Variants in PTPRD observed in about 807,000 individuals in gnomAD.
PTPRD encodes receptor-type tyrosine-protein phosphatase delta.
Under a neutral mutation model 214.5 loss-of-function variants are expected in PTPRD, and 34 were observed. That is an observed-to-expected ratio of 0.16 (90% CI 0.12 to 0.21). The LOEUF is 0.21. PTPRD is among the 10% of genes least tolerant of loss of function. PTPRD has a pLI of 1.00. For synonymous variants in PTPRD, 1,128 were observed against 845.7 expected (o/e 1.33, Z -5.79); for missense variants, 2,545 against 2,398.7 (o/e 1.06, Z -1.27).
At chr9:10,366,229 A>G (rs934603808) in intron 2 of PTPRD, among the ~76,000 whole-genome samples, 1 of 152,152 alleles carries the variant, frequency 6.6e-6, no homozygotes, top group Non-Finnish European at 1.5e-5. Flanking sequence ...TTCCTGCTTT[A>G]TGCCATGATC....
chr9:10,594,027 T>C lies in PTPRD; in HGVS notation c.-600+18371A>G, dbSNP rs140251553. 4.3e-3 allele frequency among the ~76,000 whole-genome samples: 650 copies of C among 152,066 alleles called. 7 individuals are homozygous for C. Among genetic ancestry groups the C allele is most frequent in the African/African-American group, 0.015 (611 of 41,536 alleles). On this transcript the variant is annotated intron_variant, in intron 2 of 45. Transcript: ENST00000381196. ...ACGGGAAGTATTGAAATTTTTCCCT[T>C]TCTCGCTATAAGAATAACTAAACTT...
chr9:10,410,687 G>A (rs1328473794), intron 2 of PTPRD, among the ~76,000 whole-genome samples: 5 of 151,702 alleles, frequency 3.3e-5, no homozygotes, highest in African/African-American at 1.2e-4. Context: ...TAATAACATT[G>A]ATTCAGACAA....
chr9:9,873,144 T>C (rs1280389817), intron 5 of PTPRD, among the ~76,000 whole-genome samples: 1 of 152,114 alleles, frequency 6.6e-6, no homozygotes, highest in African/African-American at 2.4e-5. Context: ...TGAAGGAAGA[T>C]CCGACGAAGA....
At chr9:8,463,782 C>T (rs1044053371) in intron 32 of PTPRD, among the ~76,000 whole-genome samples, 4 of 151,758 alleles carry the variant, frequency 2.6e-5, no homozygotes, top group Non-Finnish European at 4.4e-5. Flanking sequence ...TTGAGAGGGA[C>T]GGAGAAGTAT....
At chr9:10,000,283 A>T (rs983782681) in intron 4 of PTPRD, among the ~76,000 whole-genome samples, 1 of 152,230 alleles carries the variant, frequency 6.6e-6, no homozygotes, top group South Asian at 2.1e-4. Context: ...TGTTAGTTAT[A>T]GTCTATAGGA....
At chr9:9,511,088 T>G (rs2096695436) in intron 8 of PTPRD, among the ~76,000 whole-genome samples, 1 of 151,822 alleles carries the variant, frequency 6.6e-6, no homozygotes, top group African/African-American at 2.4e-5. Flanking sequence ...GCAAATGCTT[T>G]TCAAAAGAAA....
chr9:10,197,571 C>G (rs368398021), intron 3 of PTPRD, among the ~76,000 whole-genome samples: 1 of 152,230 alleles, frequency 6.6e-6, no homozygotes, highest in South Asian at 2.1e-4. Context: ...TACGTTTTGA[C>G]TGTCTTTACA....
intron 2 of PTPRD, among the ~76,000 whole-genome samples, chr9:10,580,346 G>C (rs1239789604): frequency 6.6e-6 from 1 of 152,134 alleles, no homozygotes; most frequent in African/African-American, 2.4e-5. Flanking sequence ...AATGTGATTT[G>C]ATTTCAATCA....
At chr9:10,329,533 G>T (rs2096710740) in intron 3 of PTPRD, among the ~76,000 whole-genome samples, 1 of 151,678 alleles carries the variant, frequency 6.6e-6, no homozygotes, top group African/African-American at 2.4e-5. Context: ...GTAATCAAAT[G>T]GTCTGTCTGT....
At position 10,256,395 on chromosome 9, in the gene PTPRD, C is replaced by CTTTTT. The variant is rs35833315; in HGVS notation, c.-545+84563_-545+84567dup. ...CCTGAGGGACCTGCTTGAATTACAGCTTTTTTTTTTTTTAATAAGTAGGAG... is the reference window on the plus strand; with the variant it reads ...CCTGAGGGACCTGCTTGAATTACAGCTTTTTTTTTTTTTTTTTTAATAAGTAGGAG... On this transcript the variant is annotated intron_variant, in intron 3 of 45. Transcript: ENST00000381196. Among the ~76,000 whole-genome samples, 551 of 144,660 alleles carry CTTTTT rather than the reference C, an allele frequency of 3.8e-3. 5 individuals carry two copies. Among genetic ancestry groups the CTTTTT allele is most frequent in the African/African-American group, 0.013 (528 of 39,582 alleles). The allele number at this position is 144,660 out of a possible 152,430, so 94.9% of individuals were successfully genotyped here.
At chr9:9,579,410 T>C (rs568830095) in intron 7 of PTPRD, among the ~76,000 whole-genome samples, 1 of 152,192 alleles carries the variant, frequency 6.6e-6, no homozygotes, top group Non-Finnish European at 1.5e-5. Context: ...GTAAGTAATA[T>C]AGTTGAGTTT....
In PTPRD at chr9:10,599,155, A is replaced by T. The variant is rs115271550; in HGVS notation, c.-600+13243T>A. Among the ~76,000 whole-genome samples, 267 of 151,814 alleles carry T rather than the reference A, an allele frequency of 1.8e-3. 1 individual carries two copies. The highest frequency in any genetic ancestry group is 6.3e-3 in the African/African-American group (261 of 41,492). On this transcript the variant is annotated intron_variant, in intron 2 of 45. Transcript: ENST00000381196. ...CCATGATCCAAATCTGACCCTGTAG[A>T]TGAGGACCATTCCCTAGGTGATGAT...
intron 10 of PTPRD, among the ~76,000 whole-genome samples, chr9:9,081,822 GC>G (rs1383143345): frequency 1.7e-4 from 25 of 147,478 alleles, no homozygotes; most frequent in South Asian, 6.4e-4. Context: ...TGCAACTCCT[GC>G]TTTTTTTTTT....
intron 4 of PTPRD, among the ~76,000 whole-genome samples, chr9:10,020,330 TCTTGCTCTGTCACCAGGCTGGAGTG>T (rs1253510665): frequency 6.6e-6 from 1 of 151,192 alleles, no homozygotes; most frequent in Non-Finnish European, 1.5e-5. Context: ...TTTGACGGAG[TCTTGCTCTGTCACCAGGCTGGAGTG>T]CAGTGGCATG....
chr9:8,718,573 A>C (rs986829124), intron 12 of PTPRD, among the ~76,000 whole-genome samples: 2 of 152,204 alleles, frequency 1.3e-5, no homozygotes, highest in Non-Finnish European at 2.9e-5. Flanking sequence ...TTTACACCAT[A>C]GTTGAATAGA....
At chr9:9,687,614 T>G (rs565147681) in intron 7 of PTPRD, among the ~76,000 whole-genome samples, 1 of 151,588 alleles carries the variant, frequency 6.6e-6, no homozygotes, top group East Asian at 1.9e-4. Flanking sequence ...ACCCTAAAAC[T>G]TAAAGTATAA....
chr9:9,603,259 T>C (rs1444745202), intron 7 of PTPRD, among the ~76,000 whole-genome samples: 1 of 152,056 alleles, frequency 6.6e-6, no homozygotes, highest in Non-Finnish European at 1.5e-5. Flanking sequence ...AATGGGGCAA[T>C]AGTATGAGCT....
chr9:9,326,775 G>GA lies in PTPRD; in HGVS notation c.-203+70673dup, dbSNP rs546582198. ...TGCAGGCATCCCACAAGATAGAGGG[G>GA]AAAAAAAAGGTATTTTTTCATGATT... On this transcript the variant is annotated intron_variant, in intron 9 of 45. Transcript: ENST00000381196. Among the ~76,000 whole-genome samples the GA allele has an allele frequency of 9.3e-4, 140 of 151,072 alleles. 2 individuals carry two copies. The highest frequency in any genetic ancestry group is 8.8e-3 in the Admixed American group (134 of 15,166).
intron 11 of PTPRD, among the ~76,000 whole-genome samples, chr9:8,774,527 C>CTTTTTT (rs564318443): frequency 0.015 from 1,579 of 105,108 alleles, 47 homozygotes; most frequent in Middle Eastern, 0.025. Flanking sequence ...TGAAAAGTAA[C>CTTTTTT]TTTTTTTTTT....
Sources: gnomAD v4.1 joint callset for allele counts (sites outside exome capture counted in the v4.1 genomes callset) on GRCh38, gnomAD v4.1.1 for gene constraint, MANE v1.5 for transcripts, NCBI Gene and HGNC (gene_info 2026-07-23, HGNC 2026-07-21) for gene names.